SAMD4A: variants seen among roughly 807,000 people sequenced by gnomAD.
SAMD4A encodes protein Smaug homolog 1.
In SAMD4A, 33 loss-of-function variants were observed where a neutral mutation model predicts 81.3. The ratio of observed to expected loss-of-function variants is 0.41; its 90% confidence interval spans 0.31 to 0.54. SAMD4A has a LOEUF of 0.54. SAMD4A is among the 20% of genes least tolerant of loss of function. The pLI is 0.37. For synonymous variants in SAMD4A, 389 were observed against 382.1 expected (o/e 1.02, Z -0.21); for missense variants, 854 against 951.1 (o/e 0.90, Z 1.34).
chr14:54,687,578 C>G (rs964859195), intron 2 of SAMD4A, among the ~76,000 whole-genome samples: 1 of 152,124 alleles, frequency 6.6e-6, no homozygotes, highest in South Asian at 2.1e-4. Context: ...TCTGGGCCGG[C>G]GATGCTTGTG....
At chr14:54,731,701 G>A (rs1278933397) in intron 3 of SAMD4A, among the ~76,000 whole-genome samples, 1 of 152,188 alleles carries the variant, frequency 6.6e-6, no homozygotes, top group Non-Finnish European at 1.5e-5. Context: ...AAAATGAAGA[G>A]AGACTAGCTT....
chr14:54,692,109 T>C (rs906626819), intron 2 of SAMD4A, among the ~76,000 whole-genome samples: 1 of 152,220 alleles, frequency 6.6e-6, no homozygotes, highest in African/African-American at 2.4e-5. Context: ...ATCCCATCTC[T>C]TGAGTTGGGA....
At chr14:54,654,704 G>A (rs1057440384) in intron 2 of SAMD4A, among the ~76,000 whole-genome samples, 3 of 152,162 alleles carry the variant, frequency 2.0e-5, no homozygotes, top group African/African-American at 7.2e-5. Flanking sequence ...GTAGCTTCAG[G>A]AAAAACTTGT....
intron 2 of SAMD4A, among the ~76,000 whole-genome samples, chr14:54,573,874 C>T (rs940188529): frequency 2.0e-5 from 3 of 152,208 alleles, no homozygotes; most frequent in African/African-American, 7.2e-5. Flanking sequence ...AGAGTACCTG[C>T]CTGCTTTTAT....
intron 3 of SAMD4A, among the ~76,000 whole-genome samples, chr14:54,706,386 C>T (rs1171875816): frequency 6.6e-6 from 1 of 151,474 alleles, no homozygotes; most frequent in Non-Finnish European, 1.5e-5. Flanking sequence ...GGGCAGATCA[C>T]TTGAGGTCAG....
At chr14:54,624,061 C>T (rs1044096806) in intron 2 of SAMD4A, among the ~76,000 whole-genome samples, 7 of 152,106 alleles carry the variant, frequency 4.6e-5, no homozygotes, top group Non-Finnish European at 7.4e-5. Context: ...CTGCAAACTC[C>T]GCCTCCCGGG....
At chr14:54,675,002 C>T (rs1314365242) in intron 2 of SAMD4A, among the ~76,000 whole-genome samples, 1 of 152,162 alleles carries the variant, frequency 6.6e-6, no homozygotes, top group Non-Finnish European at 1.5e-5. Flanking sequence ...ATCGTCCCAC[C>T]TCAGTCTTCC....
At chr14:54,776,939 C>A (rs965714954) in intron 11 of SAMD4A, among the ~76,000 whole-genome samples, 7 of 152,200 alleles carry the variant, frequency 4.6e-5, no homozygotes, top group Admixed American at 3.9e-4. Context: ...CTGAGACCTT[C>A]CCCCTGGTTT....
At chr14:54,580,788 T>C (rs2033441710) in intron 2 of SAMD4A, among the ~76,000 whole-genome samples, 2 of 152,226 alleles carry the variant, frequency 1.3e-5, no homozygotes, top group South Asian at 4.1e-4. Flanking sequence ...TTAGTCACTT[T>C]TATCCTCCAG....
intron 2 of SAMD4A, among the ~76,000 whole-genome samples, chr14:54,641,707 T>A (rs1474950798): frequency 1.3e-5 from 2 of 152,216 alleles, no homozygotes; most frequent in African/African-American, 4.8e-5. Context: ...TCCAGTATAG[T>A]TTTTTTCTAT....
At chr14:54,702,650 G>A in intron 3 of SAMD4A, 70 bp downstream of exon 3, 1 of 1,533,894 alleles carries the variant, frequency 6.5e-7, no homozygotes, top group Admixed American at 1.7e-5. Flanking sequence ...ATGTCCTGCT[G>A]ACAGTGTCTG....
chr14:54,587,596 AG>A (rs1419535669), intron 2 of SAMD4A, among the ~76,000 whole-genome samples: 2 of 152,088 alleles, frequency 1.3e-5, no homozygotes, highest in Admixed American at 6.6e-5. Flanking sequence ...TTAATCATAA[AG>A]GGATGCTGGA....
chr14:54,653,367 C>T (rs1566567804), intron 2 of SAMD4A, among the ~76,000 whole-genome samples: 1 of 149,402 alleles, frequency 6.7e-6, no homozygotes. Flanking sequence ...GGCAGAGTCT[C>T]GCCCTGTCAC....
intron 3 of SAMD4A, among the ~76,000 whole-genome samples, chr14:54,717,464 A>T (rs2037147427): frequency 6.6e-6 from 1 of 151,612 alleles, no homozygotes; most frequent in Admixed American, 6.6e-5. Flanking sequence ...AAAGAAAGAA[A>T]TTTTTTTCAT....
At chr14:54,713,279 C>CA (rs1352760732) in intron 3 of SAMD4A, among the ~76,000 whole-genome samples, 2 of 152,042 alleles carry the variant, frequency 1.3e-5, no homozygotes, top group African/African-American at 4.8e-5. Context: ...CAACTATTGT[C>CA]AATCTAGGGT....
intron 2 of SAMD4A, among the ~76,000 whole-genome samples, chr14:54,660,492 G>C (rs1212779595): frequency 6.6e-6 from 1 of 152,232 alleles, no homozygotes; most frequent in Non-Finnish European, 1.5e-5. Flanking sequence ...CCCTTGTGGG[G>C]AGCAGGAGTC....
chr14:54,683,112 A>G (rs567367642), intron 2 of SAMD4A, among the ~76,000 whole-genome samples: 38 of 152,102 alleles, frequency 2.5e-4, no homozygotes, highest in Non-Finnish European at 4.3e-4. Context: ...CATTATATAC[A>G]CGTCTGCAAG....
At chr14:54,710,849 G>A (rs146393197) in intron 3 of SAMD4A, among the ~76,000 whole-genome samples, 12 of 152,270 alleles carry the variant, frequency 7.9e-5, no homozygotes, top group East Asian at 5.8e-4. Flanking sequence ...TTCTTTATCC[G>A]TATTTCCCAG....
chr14:54,669,694 G>A (rs1219722033), intron 2 of SAMD4A, among the ~76,000 whole-genome samples: 1 of 152,034 alleles, frequency 6.6e-6, no homozygotes, highest in African/African-American at 2.4e-5. Flanking sequence ...TGCTGTTCCT[G>A]CCTATAATTA....
Sources: gnomAD v4.1 joint callset for allele counts (sites outside exome capture counted in the v4.1 genomes callset) on GRCh38, gnomAD v4.1.1 for gene constraint, MANE v1.5 for transcripts, NCBI Gene and HGNC (gene_info 2026-07-23, HGNC 2026-07-21) for gene names.